Variants in CPPED1 observed in about 807,000 individuals in gnomAD.
CPPED1 encodes the protein calcineurin like phosphoesterase domain containing 1.
A neutral mutation model predicts 28.0 loss-of-function variants in CPPED1; 28 were observed. The observed-to-expected ratio is 1.00, with a 90% confidence interval of 0.74 to 1.37. CPPED1 has a LOEUF of 1.37. Among genes scored for constraint, CPPED1 ranks in the 40% most tolerant of loss-of-function variants. The pLI is 0.00. For missense variants in CPPED1, 504 were observed against 416.5 expected, an observed-to-expected ratio of 1.21 and a Z score of -1.83; for synonymous variants, 198 against 180.2, an observed-to-expected ratio of 1.10 and a Z score of -0.79.
At chr16:12,740,876 C>T (rs1424224220) in intron 2 of CPPED1, among the ~76,000 whole-genome samples, 1 of 152,188 alleles carries the variant, frequency 6.6e-6, no homozygotes, top group African/African-American at 2.4e-5. Context: ...ACCATGTCCC[C>T]TACTGCTTTC....
chr16:12,666,304 C>T (rs1391605808), intron 3 of CPPED1, among the ~76,000 whole-genome samples: 1 of 152,058 alleles, frequency 6.6e-6, no homozygotes, highest in East Asian at 1.9e-4. Context: ...AACAGAGAGG[C>T]AAAGTCATGA....
At chr16:12,697,735 C>T (rs2079999490) in intron 3 of CPPED1, among the ~76,000 whole-genome samples, 1 of 152,126 alleles carries the variant, frequency 6.6e-6, no homozygotes, top group Non-Finnish European at 1.5e-5. Flanking sequence ...GACCATAGAG[C>T]CACAAAGCCC....
chr16:12,737,638 G>A (rs1195527210), intron 2 of CPPED1, among the ~76,000 whole-genome samples: 2 of 152,200 alleles, frequency 1.3e-5, no homozygotes, highest in Middle Eastern at 3.2e-3. Flanking sequence ...GTTAACACAT[G>A]GTCTGAGCAG....
intron 2 of CPPED1, 24 bp from the exon 3 acceptor site, chr16:12,705,073 T>TG: frequency 6.3e-7 from 1 of 1,582,176 alleles, no homozygotes; most frequent in South Asian, 1.1e-5. Flanking sequence ...GGTCACGTCC[T>TG]GAGAAAGCCA....
chr16:12,762,876 T>C (rs1220447144), intron 2 of CPPED1, among the ~76,000 whole-genome samples: 1 of 151,916 alleles, frequency 6.6e-6, no homozygotes, highest in Non-Finnish European at 1.5e-5. Context: ...CCCAAGTGGC[T>C]GGGACTACAG....
chr16:12,696,202 C>G (rs1284282230), intron 3 of CPPED1, among the ~76,000 whole-genome samples: 1 of 152,096 alleles, frequency 6.6e-6, no homozygotes, highest in Non-Finnish European at 1.5e-5. Context: ...ATCTACACAG[C>G]TATATCAGCA....
At chr16:12,739,293 G>A (rs887578198) in intron 2 of CPPED1, among the ~76,000 whole-genome samples, 12 of 152,140 alleles carry the variant, frequency 7.9e-5, no homozygotes, top group Admixed American at 6.5e-5. Context: ...TAATACCAAA[G>A]TGCTGGCCAG....
At chr16:12,692,587 C>G (rs1012450691) in intron 3 of CPPED1, among the ~76,000 whole-genome samples, 1 of 152,186 alleles carries the variant, frequency 6.6e-6, no homozygotes, top group East Asian at 1.9e-4. Flanking sequence ...CCTCTAGGAC[C>G]TGAATATGTC....
chr16:12,739,581 C>CA (rs1185747612), intron 2 of CPPED1, among the ~76,000 whole-genome samples: 8 of 148,574 alleles, frequency 5.4e-5, no homozygotes, highest in South Asian at 2.1e-4. Flanking sequence ...AACTCCATTT[C>CA]AAAAAAAAAA....
In CPPED1 at chr16:12,709,823, A is replaced by C. The variant is rs1471440698; in HGVS notation, c.290-4774T>G. 6.6e-6 allele frequency among the ~76,000 whole-genome samples: 1 copy of C among 152,010 alleles called. No individual in the cohort carries two copies. The highest frequency in any genetic ancestry group is 1.5e-5 in the Non-Finnish European group (1 of 68,000). Reference sequence around the variant, plus strand: ...GAAGTCTGCTCTCACACTCTCACTGAACATCATACTAGAAATCCTAGCCAG... The same window carrying C: ...GAAGTCTGCTCTCACACTCTCACTGCACATCATACTAGAAATCCTAGCCAG... On this transcript the variant is annotated intron_variant, in intron 2 of 3. Transcript: ENST00000381774. The surrounding 1 kb of genome is among the most constrained non-coding windows in gnomAD (Gnocchi z 4.4).
rs2079846396 is a variant in CPPED1, at chr16:12,670,145, A to C, written c.716-5030T>G. 1.3e-5 allele frequency among the ~76,000 whole-genome samples: 2 copies of C among 152,128 alleles called. No homozygotes were observed. The highest frequency in any genetic ancestry group is 2.9e-5 in the Non-Finnish European group (2 of 68,028). ...GATCCCGTCTCTACAAAACATTACAAAATTAGCAGGTGTGGTGGCTCATGC... is the reference window on the plus strand; with the variant it reads ...GATCCCGTCTCTACAAAACATTACACAATTAGCAGGTGTGGTGGCTCATGC... On this transcript the variant is annotated intron_variant, in intron 3 of 3. Coordinates refer to ENST00000381774, the MANE Select transcript of CPPED1 (RefSeq NM_018340.3). The surrounding 1 kb of genome is among the most constrained non-coding windows in gnomAD (Gnocchi z 4.2).
chr16:12,752,175 A>C (rs1440789633), intron 2 of CPPED1, among the ~76,000 whole-genome samples: 1 of 152,132 alleles, frequency 6.6e-6, no homozygotes, highest in Non-Finnish European at 1.5e-5. Flanking sequence ...GTGCTGTTTG[A>C]ATATAAAAAG....
At position 12,663,340 on chromosome 16, in the gene CPPED1, CG is replaced by C. The variant is rs2079807051; in HGVS notation, c.*1545del. The C allele has an allele frequency of 6.6e-6, 1 of 152,272 alleles. No homozygotes were observed. The highest frequency in any genetic ancestry group is 1.5e-5 in the Non-Finnish European group (1 of 68,146). The allele number at this position is 152,272 out of a possible 1,614,324, so 9.4% of individuals were successfully genotyped here. On this transcript the variant is annotated 3_prime_UTR_variant, in exon 4 of 4. Transcript: ENST00000381774. ...CCTCCCAAAGTGCTGGGATTACAGG[CG>C]TAAGCCACTGTGCCTGGCCCAATGT...
At chr16:12,803,027 C>T (rs1201722568) in intron 1 of CPPED1, among the ~76,000 whole-genome samples, 1 of 152,232 alleles carries the variant, frequency 6.6e-6, no homozygotes, top group East Asian at 1.9e-4. Context: ...CTTTACTTAG[C>T]ACCTAGCATG....
chr16:12,736,491 G>A (rs950778530), intron 2 of CPPED1, among the ~76,000 whole-genome samples: 1 of 151,984 alleles, frequency 6.6e-6, no homozygotes, highest in Non-Finnish European at 1.5e-5. Context: ...TACCTGCCTC[G>A]GCCTCCCAAA....
intron 2 of CPPED1, among the ~76,000 whole-genome samples, chr16:12,754,139 G>C (rs1309910388): frequency 6.6e-6 from 1 of 152,208 alleles, no homozygotes; most frequent in African/African-American, 2.4e-5. Context: ...CTGCATCTCA[G>C]TGATGGAGGG....
chr16:12,687,372 G>A (rs2079938816), intron 3 of CPPED1, among the ~76,000 whole-genome samples: 1 of 152,082 alleles, frequency 6.6e-6, no homozygotes, highest in Non-Finnish European at 1.5e-5. Flanking sequence ...CCCTTTAACT[G>A]CTCCCCACTG....
intron 2 of CPPED1, among the ~76,000 whole-genome samples, chr16:12,771,506 T>C (rs749606951): frequency 4.6e-5 from 7 of 152,190 alleles, no homozygotes; most frequent in Non-Finnish European, 7.3e-5. Flanking sequence ...CTTTAGGAAC[T>C]TGGAACTAAG....
chr16:12,745,520 C>T (rs2080281414), intron 2 of CPPED1, among the ~76,000 whole-genome samples: 1 of 152,194 alleles, frequency 6.6e-6, no homozygotes, highest in Non-Finnish European at 1.5e-5. Flanking sequence ...ATGTCTTTTG[C>T]AGGAACATGG....
Sources: gnomAD v4.1 joint callset for allele counts (sites outside exome capture counted in the v4.1 genomes callset) on GRCh38, gnomAD v4.1.1 for gene constraint, Gnocchi (gnomAD v3.1) non-coding constraint, MANE v1.5 for transcripts, NCBI Gene and HGNC (gene_info 2026-07-23, HGNC 2026-07-21) for gene names.